The following SCHIP1 variants were observed in gnomAD, a reference collection of about 807,000 sequenced individuals.
SCHIP1 encodes the protein schwannomin interacting protein 1.
SCHIP1 carries 8 observed loss-of-function variants against 29.7 expected under a neutral mutation model. The observed-to-expected ratio is 0.27, with a 90% CI of 0.16 to 0.49. The LOEUF (loss-of-function observed/expected upper bound fraction) is 0.49. Among genes scored for constraint, SCHIP1 ranks in the 20% least tolerant of loss-of-function variants. The pLI is 0.99. For synonymous variants in SCHIP1, 76 were observed against 94.9 expected (o/e 0.80, Z 1.16); for missense variants, 193 against 294.6 (o/e 0.66, Z 2.52).
the SCHIP1 span, among the ~76,000 whole-genome samples, chr3:159,599,034 ATTTGCT>A: frequency 6.6e-6 from 1 of 151,754 alleles, no homozygotes; most frequent in Non-Finnish European, 1.5e-5. Flanking sequence ...AGCCACTCCT[ATTTGCT>A]TTTGGTTTCT....
chr3:159,819,430 G>A, the SCHIP1 span, among the ~76,000 whole-genome samples: 2 of 152,152 alleles, frequency 1.3e-5, no homozygotes, highest in Non-Finnish European at 2.9e-5. Context: ...AAAGAATTTA[G>A]GGACGTATTT....
chr3:159,610,728 G>A, the SCHIP1 span, among the ~76,000 whole-genome samples: 1 of 152,040 alleles, frequency 6.6e-6, no homozygotes, highest in Non-Finnish European at 1.5e-5. Context: ...GTCTGGTATA[G>A]AATGGTATTA....
the SCHIP1 span, among the ~76,000 whole-genome samples, chr3:159,761,151 G>A: frequency 2.6e-5 from 4 of 152,232 alleles, no homozygotes; most frequent in Non-Finnish European, 5.9e-5. Context: ...AGTTAATGAA[G>A]CAAGGGAGAA....
At chr3:159,852,390 G>A (rs537425500) in intron 1 of SCHIP1, among the ~76,000 whole-genome samples, 1 of 152,252 alleles carries the variant, frequency 6.6e-6, no homozygotes, top group South Asian at 2.1e-4. Flanking sequence ...AATAAACACT[G>A]GGCATAATTT....
chr3:159,482,100 G>A, the SCHIP1 span, among the ~76,000 whole-genome samples: 27 of 152,092 alleles, frequency 1.8e-4, no homozygotes, highest in Non-Finnish European at 3.2e-4. Flanking sequence ...CTGGTGTCAG[G>A]CATTGTGCAC....
the SCHIP1 span, among the ~76,000 whole-genome samples, chr3:159,446,081 T>G: frequency 1.3e-5 from 2 of 152,072 alleles, no homozygotes; most frequent in South Asian, 4.1e-4. Flanking sequence ...TGAAAAGTCT[T>G]CAATACCAGG....
the SCHIP1 span, among the ~76,000 whole-genome samples, chr3:159,644,658 A>T: frequency 5.7e-4 from 87 of 152,294 alleles, no homozygotes; most frequent in African/African-American, 2.0e-3. Context: ...AACAAGGTAG[A>T]CCACAACTCT....
chr3:159,628,843 A>G, the SCHIP1 span, among the ~76,000 whole-genome samples: 1 of 152,216 alleles, frequency 6.6e-6, no homozygotes, highest in Non-Finnish European at 1.5e-5. Context: ...GCACCTGATT[A>G]TGTTTTAAAG....
At chr3:159,299,557 T>C in the SCHIP1 span, among the ~76,000 whole-genome samples, 6 of 152,208 alleles carry the variant, frequency 3.9e-5, no homozygotes, top group African/African-American at 9.6e-5. Context: ...TTAGATTTGT[T>C]GCCAGAACGT....
At chr3:159,362,069 C>T in the SCHIP1 span, among the ~76,000 whole-genome samples, 1 of 152,056 alleles carries the variant, frequency 6.6e-6, no homozygotes, top group Non-Finnish European at 1.5e-5. Flanking sequence ...TATCATGTTA[C>T]TGTAAATAGA....
At chr3:159,831,608 T>C in the SCHIP1 span, among the ~76,000 whole-genome samples, 1 of 152,180 alleles carries the variant, frequency 6.6e-6, no homozygotes, top group South Asian at 2.1e-4. Flanking sequence ...CGTTATTAAG[T>C]AAAGTAAGGG....
chr3:159,710,922 C>A, the SCHIP1 span, among the ~76,000 whole-genome samples: 3 of 152,104 alleles, frequency 2.0e-5, no homozygotes, highest in East Asian at 5.8e-4. Context: ...TAGCCTCTGG[C>A]CCTACCTTTC....
At chr3:159,589,763 A>G in the SCHIP1 span, among the ~76,000 whole-genome samples, 2 of 152,224 alleles carry the variant, frequency 1.3e-5, no homozygotes, top group African/African-American at 2.4e-5. Context: ...AAGGGACTAT[A>G]CTGTGAAGAA....
At chr3:159,575,629 G>T in the SCHIP1 span, among the ~76,000 whole-genome samples, 5 of 152,142 alleles carry the variant, frequency 3.3e-5, no homozygotes, top group African/African-American at 4.8e-5. Flanking sequence ...TACAGACAGG[G>T]TCTTGCTGTT....
intron 2 of SCHIP1, among the ~76,000 whole-genome samples, chr3:159,877,775 C>G (rs1715991667): frequency 6.6e-6 from 1 of 152,156 alleles, no homozygotes; most frequent in Non-Finnish European, 1.5e-5. Flanking sequence ...AACTCATCAG[C>G]AGGTGGGGTA....
chr3:159,834,097 T>C, the SCHIP1 span, among the ~76,000 whole-genome samples: 12 of 152,224 alleles, frequency 7.9e-5, no homozygotes, highest in African/African-American at 2.9e-4. Flanking sequence ...ACGTAAGAGC[T>C]GTTTTACATT....
the SCHIP1 span, among the ~76,000 whole-genome samples, chr3:159,470,657 T>A: frequency 7.2e-5 from 11 of 152,072 alleles, no homozygotes; most frequent in Non-Finnish European, 1.6e-4. Flanking sequence ...CCAAACCATG[T>A]CCTTTCCTTT....
the SCHIP1 span, among the ~76,000 whole-genome samples, chr3:159,596,520 T>C: frequency 6.6e-6 from 1 of 152,168 alleles, no homozygotes; most frequent in African/African-American, 2.4e-5. Context: ...TGTGGCACTA[T>C]TCACAATAGC....
At chr3:159,663,264 A>C in the SCHIP1 span, among the ~76,000 whole-genome samples, 1 of 152,218 alleles carries the variant, frequency 6.6e-6, no homozygotes, top group Non-Finnish European at 1.5e-5. Context: ...GGTCTGAGGC[A>C]GGACTTTGAA....
Sources: gnomAD v4.1 joint callset for allele counts (sites outside exome capture counted in the v4.1 genomes callset) on GRCh38, gnomAD v4.1.1 for gene constraint, MANE v1.5 for transcripts, NCBI Gene and HGNC (gene_info 2026-07-23, HGNC 2026-07-21) for gene names.